The following MFHAS1 variants were observed in gnomAD, a reference collection of about 807,000 sequenced individuals.
MFHAS1 encodes the protein multifunctional ROCO family signaling regulator 1.
A neutral mutation model predicts 70.4 loss-of-function variants in MFHAS1; 50 were observed. The observed-to-expected ratio is 0.71, with a 90% confidence interval of 0.57 to 0.90. MFHAS1 has a LOEUF of 0.90. Ranked by LOEUF, MFHAS1 falls within the 40% of genes least tolerant of loss-of-function variation. The pLI is 0.00. For missense variants in MFHAS1, 1,795 were observed against 1,347.6 expected (o/e 1.33, Z -5.20); for synonymous variants, 952 against 620.0 (o/e 1.54, Z -7.96).
In MFHAS1 at chr8:8,784,881, A is replaced by T. The variant is rs1805481539; in HGVS notation, c.*1141T>A. Reference sequence around the variant, plus strand: ...TTTACCTTGTGAAGATTTTAAAACAAGGGTATTACTAGTTCTTGGCAGGAG... The same window carrying T: ...TTTACCTTGTGAAGATTTTAAAACATGGGTATTACTAGTTCTTGGCAGGAG... On this transcript the variant is annotated 3_prime_UTR_variant, in exon 3 of 3. Transcript: ENST00000276282. 6.6e-6 allele frequency: 1 copy of T among 152,220 alleles called. No homozygotes were observed. Among genetic ancestry groups the T allele is most frequent in the Admixed American group, 6.5e-5 (1 of 15,276 alleles). 9.4% of individuals were successfully genotyped at this position (152,220 alleles called of 1,614,324 possible). A position where few individuals can be genotyped will look rare whatever the true frequency, so the allele number is the denominator to read the frequency against.
At chr8:8,859,830 G>A (rs1808594369) in intron 1 of MFHAS1, among the ~76,000 whole-genome samples, 1 of 152,192 alleles carries the variant, frequency 6.6e-6, no homozygotes, top group Non-Finnish European at 1.5e-5. Flanking sequence ...TCAAAAGTTA[G>A]ATGTTCAACT....
chr8:8,852,142 G>A (rs912462807), intron 1 of MFHAS1, among the ~76,000 whole-genome samples: 5 of 152,120 alleles, frequency 3.3e-5, no homozygotes, highest in African/African-American at 9.7e-5. Context: ...GGTTTCAGGA[G>A]TGCCAAGCAA....
intron 1 of MFHAS1, among the ~76,000 whole-genome samples, chr8:8,871,958 G>A (rs1010400530): frequency 4.6e-5 from 7 of 152,224 alleles, no homozygotes; most frequent in Admixed American, 2.0e-4. Flanking sequence ...CTAGGAAACC[G>A]TATCAACTCC....
intron 1 of MFHAS1, among the ~76,000 whole-genome samples, chr8:8,873,357 G>C (rs979923495): frequency 3.3e-5 from 5 of 151,984 alleles, no homozygotes; most frequent in African/African-American, 1.2e-4. Context: ...ACTTCAATGA[G>C]TCCTGTGAAA....
chr8:8,870,228 C>G (rs1372726657), intron 1 of MFHAS1, among the ~76,000 whole-genome samples: 1 of 146,026 alleles, frequency 6.8e-6, no homozygotes, highest in Admixed American at 7.0e-5. Context: ...ACAAGATGCA[C>G]AGATCACTTA....
intron 1 of MFHAS1, among the ~76,000 whole-genome samples, chr8:8,810,467 C>A (rs775197726): frequency 1.3e-5 from 2 of 152,234 alleles, no homozygotes; most frequent in Non-Finnish European, 2.9e-5. Context: ...ACTTCTGCCA[C>A]CTCCTGAGAG....
chr8:8,856,584 T>A (rs1388026807), intron 1 of MFHAS1, among the ~76,000 whole-genome samples: 2 of 152,182 alleles, frequency 1.3e-5, no homozygotes, highest in Non-Finnish European at 2.9e-5. Flanking sequence ...ATTCAAAGAC[T>A]CTAAATTGGG....
intron 1 of MFHAS1, among the ~76,000 whole-genome samples, chr8:8,832,425 T>TCACACACA (rs35913215): frequency 0.018 from 2,633 of 143,646 alleles, 60 homozygotes; most frequent in African/African-American, 0.043. Flanking sequence ...ACAAGATACT[T>TCACACACA]CACACACACA....
rs1436989504 is a variant in MFHAS1 at position 8,846,565 on chromosome 8, A to G, written c.2998+43496T>C. ...AAAATGTTCTCAGCTCAAAGTTCCCAAGCCTCACAGAATCTCCCCTCTGCT... is the reference window on the plus strand; with the variant it reads ...AAAATGTTCTCAGCTCAAAGTTCCCGAGCCTCACAGAATCTCCCCTCTGCT... On this transcript the variant is annotated intron_variant, in intron 1 of 2. Coordinates refer to ENST00000276282, the MANE Select transcript of MFHAS1 (RefSeq NM_004225.3). Among the ~76,000 whole-genome samples the G allele has an allele frequency of 2.0e-5, 3 of 152,016 alleles. No homozygotes were observed. In the East Asian group the frequency reaches 5.8e-4, roughly 29 times the overall value.
At chr8:8,824,630 A>G (rs1807089509) in intron 1 of MFHAS1, among the ~76,000 whole-genome samples, 1 of 152,124 alleles carries the variant, frequency 6.6e-6, no homozygotes, top group Non-Finnish European at 1.5e-5. Context: ...AAGGTCACTC[A>G]TGTAACATAA....
intron 1 of MFHAS1, among the ~76,000 whole-genome samples, chr8:8,831,056 G>A (rs1807367773): frequency 6.6e-6 from 1 of 152,052 alleles, no homozygotes. Context: ...CAGGGTGCCT[G>A]CATGGTTGGT....
rs962605693 is a variant in MFHAS1 at position 8,790,990 on chromosome 8, G to A, written c.3126-4935C>T. ...ATCTTGCTTGAATGGGAACTCTACAGTATAGAGGCAATAATCCAAGATTTT... is the reference window on the plus strand; with the variant it reads ...ATCTTGCTTGAATGGGAACTCTACAATATAGAGGCAATAATCCAAGATTTT... On this transcript the variant is annotated intron_variant, in intron 2 of 2. Transcript: ENST00000276282. Among the ~76,000 whole-genome samples, 12 of 152,246 alleles carry A rather than the reference G, an allele frequency of 7.9e-5. 1 individual carries two copies. The highest frequency in any genetic ancestry group is 6.5e-4 in the Admixed American group (10 of 15,298).
intron 1 of MFHAS1, among the ~76,000 whole-genome samples, chr8:8,833,504 C>G (rs953948925): frequency 1.3e-5 from 2 of 152,138 alleles, no homozygotes; most frequent in African/African-American, 4.8e-5. Context: ...TGGTACATGC[C>G]TGAAGTCTCA....
intron 1 of MFHAS1, chr8:8,822,075 G>C (rs1345209430): frequency 6.6e-6 from 1 of 152,350 alleles, no homozygotes; most frequent in African/African-American, 2.4e-5. Context: ...ATGAGGCCTT[G>C]AGACCCTGGC....
At chr8:8,851,526 A>G (rs983273538) in intron 1 of MFHAS1, among the ~76,000 whole-genome samples, 2 of 152,242 alleles carry the variant, frequency 1.3e-5, no homozygotes, top group African/African-American at 4.8e-5. Flanking sequence ...TTTGCTTGGC[A>G]GCTTAATTAA....
Position 8,891,035 on chromosome 8 carries a change from T to A in MFHAS1, c.2024A>T (p.Gln675Leu), listed in dbSNP as rs1172856408. 6.2e-7 allele frequency: 1 copy of A among 1,613,658 alleles called. No individual in the cohort carries two copies. The highest frequency in any genetic ancestry group is 8.5e-7 in the Non-Finnish European group (1 of 1,179,876). ...VLEELHFQPP[Q>L]AQRLWLSWWD... ...CCAGCTTAGCCACAGTCGCTGGGCC[T>A]GAGGTGGCTGGAAATGCAGTTCCTC... Residue 675 changes from glutamine to leucine, a missense_variant, in exon 1 of 3, where the codon CAG becomes CTG. By Grantham distance (113) the Gln-to-Leu change is moderately radical. Coordinates refer to ENST00000276282, the MANE Select transcript of MFHAS1 (RefSeq NM_004225.3). This position sits in a 1 kb window ranked among gnomAD's most constrained non-coding sequence, Gnocchi z 5.4.
intron 1 of MFHAS1, among the ~76,000 whole-genome samples, chr8:8,878,999 T>C (rs1354753557): frequency 6.6e-6 from 1 of 152,164 alleles, no homozygotes; most frequent in African/African-American, 2.4e-5. Context: ...TGTTCAGAAA[T>C]GACTGATGAT....
intron 1 of MFHAS1, among the ~76,000 whole-genome samples, chr8:8,862,751 G>T (rs1168210915): frequency 2.0e-5 from 3 of 152,158 alleles, no homozygotes; most frequent in Non-Finnish European, 2.9e-5. Context: ...GTCAATGTAG[G>T]TTCATCGATT....
At chr8:8,838,761 G>A (rs1469646616) in intron 1 of MFHAS1, among the ~76,000 whole-genome samples, 21 of 149,608 alleles carry the variant, frequency 1.4e-4, no homozygotes, top group African/African-American at 4.9e-4. Flanking sequence ...GTAGTGAGTC[G>A]AGACTGCACC....
Sources: gnomAD v4.1 joint callset for allele counts (sites outside exome capture counted in the v4.1 genomes callset) on GRCh38, gnomAD v4.1.1 for gene constraint, Gnocchi (gnomAD v3.1) non-coding constraint, MANE v1.5 for transcripts, NCBI Gene and HGNC (gene_info 2026-07-23, HGNC 2026-07-21) for gene names.